The following ANO10 variants were observed in gnomAD, a reference collection of about 807,000 sequenced individuals.
ANO10 encodes the protein anoctamin-10.
ANO10 carries 77 observed loss-of-function variants against 74.7 expected under a neutral mutation model. The ratio of observed to expected loss-of-function variants is 1.03; its 90% CI spans 0.86 to 1.25. ANO10 has a LOEUF of 1.25. ANO10 is among the 50% of genes most tolerant of loss of function. The probability of loss-of-function intolerance (pLI) is 0.00; values close to 1 mark genes in which losing one functional copy is unlikely to be tolerated. For synonymous variants in ANO10, 279 were observed against 284.9 expected (o/e 0.98, Z 0.21); for missense variants, 721 against 778.1 (o/e 0.93, Z 0.87).
At chr3:43,609,256 C>G (rs2149507055) in intron 1 of ANO10, among the ~76,000 whole-genome samples, 1 of 152,220 alleles carries the variant, frequency 6.6e-6, no homozygotes, top group East Asian at 1.9e-4. Context: ...TATGTTTTTT[C>G]CTACTAAATG....
intron 1 of ANO10, chr3:43,691,285 A>T: frequency 2.8e-6 from 1 of 356,870 alleles, no homozygotes. Flanking sequence ...CCGCGCCGGG[A>T]GGCCGCCTTG....
chr3:43,606,971 T>C (rs964885121), intron 1 of ANO10, among the ~76,000 whole-genome samples: 3 of 152,160 alleles, frequency 2.0e-5, no homozygotes, highest in Non-Finnish European at 4.4e-5. Context: ...AGCACAAAGT[T>C]GATCTCACGC....
At chr3:43,670,357 A>AAAT (rs2084044367) in intron 1 of ANO10, among the ~76,000 whole-genome samples, 1 of 99,548 alleles carries the variant, frequency 1.0e-5, no homozygotes, top group Admixed American at 1.0e-4. Context: ...AATAAATAAA[A>AAAT]TAATAAATCT....
At chr3:43,423,667 G>T (rs1457492379) in intron 12 of ANO10, among the ~76,000 whole-genome samples, 1 of 152,172 alleles carries the variant, frequency 6.6e-6, no homozygotes. Context: ...AGGTGCAAAG[G>T]AGCCAGTATT....
chr3:43,477,934 G>A (rs1448060989), intron 11 of ANO10, among the ~76,000 whole-genome samples: 3 of 152,304 alleles, frequency 2.0e-5, no homozygotes, highest in Admixed American at 2.0e-4. Context: ...GAGGAATGTT[G>A]AGAAGTGATT....
In ANO10 at chr3:43,617,459, G is replaced by A. The variant is rs572979570; in HGVS notation, c.-12+4450C>T. Among the ~76,000 whole-genome samples the A allele has an allele frequency of 9.9e-5, 15 of 152,172 alleles. No individual in the cohort carries two copies. The East Asian group carries it at 2.9e-3, about 30-fold the overall frequency. ...TTATGAGACAGCGATCCCAAATTGT[G>A]TTCTTTATCATGTGTCGAATTGCAC... On this transcript the variant is annotated intron_variant, in intron 1 of 12. Coordinates refer to ENST00000292246, the MANE Select transcript of ANO10 (RefSeq NM_018075.5).
chr3:43,398,656 C>T (rs1325225976), intron 12 of ANO10, among the ~76,000 whole-genome samples: 3 of 152,202 alleles, frequency 2.0e-5, no homozygotes, highest in Admixed American at 6.5e-5. Context: ...TTTGGGGGAG[C>T]TTGCCTGCTT....
chr3:43,412,345 A>G (rs2092679077), intron 12 of ANO10, among the ~76,000 whole-genome samples: 1 of 152,152 alleles, frequency 6.6e-6, no homozygotes, highest in Non-Finnish European at 1.5e-5. Flanking sequence ...ATGCCGATGC[A>G]GTCGGTTTTA....
intron 1 of ANO10, among the ~76,000 whole-genome samples, chr3:43,645,099 C>T (rs1167732738): frequency 6.6e-6 from 1 of 152,066 alleles, no homozygotes; most frequent in Non-Finnish European, 1.5e-5. Context: ...GGCCACATCT[C>T]ATTTAGAGAT....
chr3:43,386,842 G>C (rs2092134932), intron 12 of ANO10, among the ~76,000 whole-genome samples: 1 of 152,232 alleles, frequency 6.6e-6, no homozygotes, highest in South Asian at 2.1e-4. Context: ...CCTGGAGAAA[G>C]CCGCCTATGA....
intron 11 of ANO10, among the ~76,000 whole-genome samples, chr3:43,541,191 A>C (rs145809157): frequency 2.3e-4 from 35 of 152,346 alleles, no homozygotes; most frequent in African/African-American, 7.0e-4. Context: ...TTGTAGGCTA[A>C]GTTTTAAACT....
At chr3:43,495,427 G>A (rs900933719) in intron 11 of ANO10, among the ~76,000 whole-genome samples, 1 of 151,922 alleles carries the variant, frequency 6.6e-6, no homozygotes, top group African/African-American at 2.4e-5. Flanking sequence ...ATATGCCAGA[G>A]ACAAAAAATA....
intron 11 of ANO10, among the ~76,000 whole-genome samples, chr3:43,519,675 C>T (rs1254434256): frequency 3.9e-5 from 6 of 152,130 alleles, no homozygotes; most frequent in Non-Finnish European, 8.8e-5. Flanking sequence ...GAGAACCATG[C>T]TTATCCCTTC....
chr3:43,609,284 T>C (rs2082703891), intron 1 of ANO10, among the ~76,000 whole-genome samples: 1 of 152,218 alleles, frequency 6.6e-6, no homozygotes, highest in Admixed American at 6.5e-5. Context: ...CATTTTGAAT[T>C]ATCTACCATA....
At chr3:43,565,972 G>T (rs2080305903) in intron 7 of ANO10, among the ~76,000 whole-genome samples, 1 of 152,152 alleles carries the variant, frequency 6.6e-6, no homozygotes, top group Non-Finnish European at 1.5e-5. Context: ...AGGTCAGTGG[G>T]TGCGCGCACC....
intron 1 of ANO10, among the ~76,000 whole-genome samples, chr3:43,620,673 G>A (rs1011130164): frequency 6.6e-6 from 1 of 152,196 alleles, no homozygotes; most frequent in Non-Finnish European, 1.5e-5. Flanking sequence ...AGCTACTCGG[G>A]AGAATCGCTT....
intron 9 of ANO10, among the ~76,000 whole-genome samples, chr3:43,557,614 A>G (rs1345320244): frequency 2.0e-5 from 3 of 151,560 alleles, no homozygotes; most frequent in Admixed American, 2.0e-4. Flanking sequence ...AGGCACCTGT[A>G]GTCCCAGCTA....
intron 11 of ANO10, among the ~76,000 whole-genome samples, chr3:43,461,444 T>A (rs768790228): frequency 6.6e-6 from 1 of 152,168 alleles, no homozygotes; most frequent in Non-Finnish European, 1.5e-5. Flanking sequence ...ATATTATCAA[T>A]TGATATGGTT....
intron 12 of ANO10, among the ~76,000 whole-genome samples, chr3:43,410,307 G>A (rs2092644742): frequency 6.6e-6 from 1 of 152,022 alleles, no homozygotes; most frequent in African/African-American, 2.4e-5. Context: ...CTGGAGTACA[G>A]TGGTACAATT....
Sources: gnomAD v4.1 joint callset for allele counts (sites outside exome capture counted in the v4.1 genomes callset) on GRCh38, gnomAD v4.1.1 for gene constraint, MANE v1.5 for transcripts, NCBI Gene and HGNC (gene_info 2026-07-23, HGNC 2026-07-21) for gene names.